The following NPAS2 variants were observed in gnomAD, a reference collection of about 807,000 sequenced individuals.
The protein encoded by NPAS2 is neuronal PAS domain protein 2.
A neutral mutation model predicts 107.5 loss-of-function variants in NPAS2; 23 were observed. The ratio of observed to expected loss-of-function variants is 0.21; its 90% CI spans 0.15 to 0.30. NPAS2 has a LOEUF of 0.30. Ranked by LOEUF, NPAS2 falls within the 10% of genes least tolerant of loss-of-function variation. The pLI is 1.00. For synonymous variants in NPAS2, 403 were observed against 417.5 expected (o/e 0.97, Z 0.42); for missense variants, 756 against 1,043.3 (o/e 0.72, Z 3.79).
At chr2:100,964,774 T>G in intron 8 of NPAS2, 87 bp from the exon 9 acceptor site, 1 of 762,754 alleles carries the variant, frequency 1.3e-6, no homozygotes, top group Non-Finnish European at 2.2e-6. Flanking sequence ...TTAACTTCTG[T>G]TACCCACCAC....
At chr2:100,988,657 T>G in intron 17 of NPAS2, 1 of 323,490 alleles carries the variant, frequency 3.1e-6, no homozygotes, top group Non-Finnish European at 5.9e-6. Flanking sequence ...CCATCTACTC[T>G]GGTTTTAACC....
intron 1 of NPAS2, among the ~76,000 whole-genome samples, chr2:100,838,381 G>A (rs1359949753): frequency 6.6e-6 from 1 of 152,014 alleles, no homozygotes; most frequent in Non-Finnish European, 1.5e-5. Flanking sequence ...GGGTTCACAC[G>A]ATTCTTCTGC....
intron 1 of NPAS2, among the ~76,000 whole-genome samples, chr2:100,879,918 C>T (rs1477444427): frequency 6.6e-6 from 1 of 152,120 alleles, no homozygotes; most frequent in African/African-American, 2.4e-5. Context: ...CTGGTCCCTC[C>T]ACACAGGGAC....
intron 2 of NPAS2, 142 bp downstream of exon 2, chr2:100,904,928 T>C (rs1257988010): frequency 3.0e-6 from 2 of 664,498 alleles, no homozygotes; most frequent in East Asian, 2.5e-5. Flanking sequence ...TGTGACATAT[T>C]GCAGTGCTCC....
At chr2:100,961,321 T>G (rs1278515104) in intron 7 of NPAS2, among the ~76,000 whole-genome samples, 8 of 152,212 alleles carry the variant, frequency 5.3e-5, no homozygotes, top group Admixed American at 3.3e-4. Flanking sequence ...TTATTTCAAA[T>G]GCAACTGGCA....
At chr2:100,821,804 A>T (rs1676089629) in intron 1 of NPAS2, among the ~76,000 whole-genome samples, 1 of 152,208 alleles carries the variant, frequency 6.6e-6, no homozygotes, top group Non-Finnish European at 1.5e-5. Context: ...TTAGCCAAAA[A>T]TAACCCCCAA....
In NPAS2 at chr2:100,820,994, C is replaced by T. The variant is rs1676035613; in HGVS notation, c.-23+580C>T. 7.8e-7 allele frequency: 1 copy of T among 1,277,504 alleles called. No individual in the cohort carries two copies. Among genetic ancestry groups the T allele is most frequent in the South Asian group, 1.3e-5 (1 of 77,294 alleles). 79.1% of individuals were successfully genotyped at this position (1,277,504 alleles called of 1,614,324 possible). On this transcript the variant is annotated intron_variant, in intron 1 of 20. Coordinates refer to ENST00000335681, the MANE Select transcript of NPAS2 (RefSeq NM_002518.4). The surrounding 1 kb of genome is among the most constrained non-coding windows in gnomAD (Gnocchi z 5.6). ...CCTGGCTCCTCACGTCGCTGCCGCC[C>T]CCCCACCCCAACTCCGGAGCTCCCC...
intron 2 of NPAS2, among the ~76,000 whole-genome samples, chr2:100,907,465 G>A (rs994318537): frequency 4.1e-5 from 6 of 145,972 alleles, no homozygotes; most frequent in Non-Finnish European, 9.0e-5. Flanking sequence ...TAGCAAGGAC[G>A]CAGTACCCCT....
chr2:100,991,485 G>GT (rs1678127914), intron 19 of NPAS2, among the ~76,000 whole-genome samples: 1 of 152,208 alleles, frequency 6.6e-6, no homozygotes, highest in Non-Finnish European at 1.5e-5. Context: ...TCTCCTTCAT[G>GT]TTAACACTGG....
intron 13 of NPAS2, 59 bp downstream of exon 13, chr2:100,975,003 C>G (rs2105229010): frequency 6.3e-7 from 1 of 1,588,522 alleles, no homozygotes; most frequent in Non-Finnish European, 8.6e-7. Flanking sequence ...AGGGACAGCC[C>G]CACAGAGGGT....
intron 1 of NPAS2, 23 bp from the exon 2 acceptor site, chr2:100,904,710 A>C (rs1448166161): frequency 1.8e-6 from 2 of 1,092,736 alleles, no homozygotes; most frequent in Non-Finnish European, 2.7e-6. Flanking sequence ...CATTCTTTTT[A>C]ATTTTTTTTT....
At chr2:100,858,104 G>A (rs1268498014) in intron 1 of NPAS2, among the ~76,000 whole-genome samples, 1 of 152,212 alleles carries the variant, frequency 6.6e-6, no homozygotes, top group African/African-American at 2.4e-5. Context: ...AGAGGCCAGG[G>A]GTTAAGTCAT....
At chr2:100,835,416 C>T (rs908558839) in intron 1 of NPAS2, among the ~76,000 whole-genome samples, 19 of 152,274 alleles carry the variant, frequency 1.2e-4, no homozygotes, top group African/African-American at 4.3e-4. Context: ...CACTGTGCGG[C>T]GGCTGGGTGC....
chr2:100,845,871 C>T (rs1677741272), intron 1 of NPAS2, among the ~76,000 whole-genome samples: 1 of 152,240 alleles, frequency 6.6e-6, no homozygotes, highest in Admixed American at 6.5e-5. Flanking sequence ...CTGTTCTCAG[C>T]TCTCACCTGG....
intron 4 of NPAS2, among the ~76,000 whole-genome samples, chr2:100,937,372 A>G (rs931021936): frequency 1.3e-5 from 2 of 152,220 alleles, no homozygotes; most frequent in African/African-American, 2.4e-5. Flanking sequence ...AAGTGATGGC[A>G]GGGGTAGGGA....
intron 12 of NPAS2, among the ~76,000 whole-genome samples, chr2:100,971,564 A>G (rs1412102107): frequency 6.6e-6 from 1 of 151,602 alleles, no homozygotes; most frequent in East Asian, 1.9e-4. Context: ...CCCTCACGCC[A>G]CTCTCCCTGT....
chr2:100,931,519 C>T (rs1019638174), intron 3 of NPAS2, among the ~76,000 whole-genome samples: 29 of 126,978 alleles, frequency 2.3e-4, no homozygotes, highest in Middle Eastern at 0.013. Context: ...TGGAGTCTTG[C>T]TCTGTCACCC....
At chr2:100,947,964 G>GACTCAGTCCTTCCT (rs1332194583) in intron 5 of NPAS2, among the ~76,000 whole-genome samples, 3 of 152,200 alleles carry the variant, frequency 2.0e-5, no homozygotes, top group Non-Finnish European at 4.4e-5. Context: ...GCAACAGGAG[G>GACTCAGTCCTTCCT]ACTCAGTCCT....
intron 7 of NPAS2, among the ~76,000 whole-genome samples, chr2:100,959,099 AAAAAAAAAAAC>A (rs1675759574): frequency 2.8e-5 from 3 of 106,476 alleles, no homozygotes; most frequent in East Asian, 2.1e-4. Context: ...CAAAAAAAAA[AAAAAAAAAAAC>A]AAAACTAAAA....
Sources: allele counts gnomAD v4.1 joint callset (sites outside exome capture counted in the v4.1 genomes callset), GRCh38; gene constraint gnomAD v4.1.1; non-coding constraint Gnocchi (gnomAD v3.1); transcripts MANE v1.5; gene names NCBI Gene and HGNC (gene_info 2026-07-23, HGNC 2026-07-21).